CSMD1: variants seen among roughly 807,000 people sequenced by gnomAD.
The protein encoded by CSMD1 is CUB and sushi domain-containing protein 1.
CSMD1 carries 213 observed loss-of-function variants against 417.5 expected under a neutral mutation model. That is an observed-to-expected ratio of 0.51 (90% confidence interval 0.46 to 0.57). CSMD1 has a LOEUF of 0.57. Among genes scored for constraint, CSMD1 ranks in the 20% least tolerant of loss-of-function variants. CSMD1 has a pLI of 0.00. For missense variants in CSMD1, 6,923 were observed against 4,529.7 expected, an observed-to-expected ratio of 1.53 and a Z score of -15.17; for synonymous variants, 2,862 against 1,736.8, an observed-to-expected ratio of 1.65 and a Z score of -16.11.
At chr8:3,999,670 T>C (rs953657627) in intron 4 of CSMD1, among the ~76,000 whole-genome samples, 1 of 152,152 alleles carries the variant, frequency 6.6e-6, no homozygotes, top group Admixed American at 6.5e-5. Flanking sequence ...GCCAGGCTGG[T>C]CTACACACTA....
intron 11 of CSMD1, among the ~76,000 whole-genome samples, chr8:3,474,302 G>A (rs566870046): frequency 1.8e-4 from 28 of 151,980 alleles, no homozygotes; most frequent in Admixed American, 1.1e-3. Flanking sequence ...ACAAATGCAG[G>A]ACAATAAACA....
intron 5 of CSMD1, among the ~76,000 whole-genome samples, chr8:3,905,178 G>C (rs1178234689): frequency 6.6e-6 from 1 of 151,730 alleles, no homozygotes; most frequent in African/African-American, 2.4e-5. Context: ...GGCAAACATA[G>C]AAAAAATATG....
At chr8:4,276,059 G>T (rs1330095481) in intron 3 of CSMD1, among the ~76,000 whole-genome samples, 1 of 152,158 alleles carries the variant, frequency 6.6e-6, no homozygotes, top group Non-Finnish European at 1.5e-5. Flanking sequence ...GGAAGACAGT[G>T]TGACGATTCC....
At chr8:3,366,066 T>A (rs1438937599) in intron 20 of CSMD1, among the ~76,000 whole-genome samples, 1 of 152,182 alleles carries the variant, frequency 6.6e-6, no homozygotes, top group Non-Finnish European at 1.5e-5. Context: ...GTAGAATAAA[T>A]TACATGTGAC....
chr8:3,639,352 G>C (rs1389424788), intron 7 of CSMD1, among the ~76,000 whole-genome samples: 1 of 152,042 alleles, frequency 6.6e-6, no homozygotes, highest in South Asian at 2.1e-4. Context: ...GAGTTTAAGA[G>C]GAAAAAGAGA....
At chr8:3,804,233 A>C (rs1053548130) in intron 5 of CSMD1, among the ~76,000 whole-genome samples, 1 of 152,102 alleles carries the variant, frequency 6.6e-6, no homozygotes, top group African/African-American at 2.4e-5. Context: ...CACCAAGCCT[A>C]GAGACAAAAT....
At chr8:4,046,198 G>A (rs751927211) in intron 3 of CSMD1, among the ~76,000 whole-genome samples, 3 of 152,052 alleles carry the variant, frequency 2.0e-5, no homozygotes, top group African/African-American at 4.8e-5. Context: ...GCGTGTGTGT[G>A]TAGAAAATAA....
intron 11 of CSMD1, among the ~76,000 whole-genome samples, chr8:3,491,547 C>G (rs1302156628): frequency 6.6e-6 from 1 of 152,092 alleles, no homozygotes; most frequent in Non-Finnish European, 1.5e-5. Context: ...TTGGAATGGG[C>G]CAGCAGGAAG....
chr8:3,538,367 C>T (rs1293325700), intron 10 of CSMD1, among the ~76,000 whole-genome samples: 2 of 152,150 alleles, frequency 1.3e-5, no homozygotes, highest in East Asian at 3.9e-4. Context: ...GGATGATGCA[C>T]CTGGGATTCC....
chr8:3,311,894 T>C (rs998527478), intron 23 of CSMD1, among the ~76,000 whole-genome samples: 1 of 152,216 alleles, frequency 6.6e-6, no homozygotes, highest in Non-Finnish European at 1.5e-5. Flanking sequence ...AAGTAGTTTA[T>C]AGCTATTAAT....
intron 3 of CSMD1, among the ~76,000 whole-genome samples, chr8:4,242,432 A>G (rs1165529937): frequency 6.6e-6 from 1 of 152,236 alleles, no homozygotes; most frequent in Non-Finnish European, 1.5e-5. Flanking sequence ...ATGTATCATA[A>G]TACTTCAAGC....
intron 3 of CSMD1, among the ~76,000 whole-genome samples, chr8:4,070,118 T>C (rs1195114588): frequency 6.6e-6 from 1 of 152,178 alleles, no homozygotes. Context: ...TTCAGTCTTC[T>C]TGTAAATATT....
At chr8:3,957,225 T>C (rs2740849) in intron 5 of CSMD1, among the ~76,000 whole-genome samples, 66,972 of 151,856 alleles carry the variant, frequency 0.44, 15,532 homozygotes, top group East Asian at 0.73. Context: ...GACAGAAATA[T>C]AGGAGCAAAG....
At chr8:4,918,658 C>A (rs534353781) in intron 1 of CSMD1, among the ~76,000 whole-genome samples, 8 of 152,158 alleles carry the variant, frequency 5.3e-5, no homozygotes, top group African/African-American at 9.7e-5. Flanking sequence ...TTTCTTGACC[C>A]AATCTCACTA....
intron 3 of CSMD1, among the ~76,000 whole-genome samples, chr8:4,277,507 T>G (rs879735999): frequency 6.6e-6 from 1 of 152,190 alleles, no homozygotes; most frequent in Non-Finnish European, 1.5e-5. Context: ...TGTTTCCTGG[T>G]GCCATGTTTT....
At chr8:4,943,441 A>G (rs1808155871) in intron 1 of CSMD1, among the ~76,000 whole-genome samples, 1 of 151,926 alleles carries the variant, frequency 6.6e-6, no homozygotes, top group African/African-American at 2.4e-5. Context: ...GCTTGCAGTG[A>G]GCTGAGGTCG....
intron 3 of CSMD1, among the ~76,000 whole-genome samples, chr8:4,305,442 G>T (rs1401234446): frequency 2.6e-5 from 4 of 152,182 alleles, no homozygotes; most frequent in Admixed American, 2.0e-4. Flanking sequence ...TAAAAGTAAG[G>T]TAAGCCACTG....
In CSMD1 at chr8:3,648,233, T is replaced by C. The variant is rs543703992; in HGVS notation, c.1010-31436A>G. Reference sequence around the variant, plus strand: ...CCATATACTAGAGACATGATTTTACTTTTACTTTGCTATTCCCCAAATTAT... The same window carrying C: ...CCATATACTAGAGACATGATTTTACCTTTACTTTGCTATTCCCCAAATTAT... On this transcript the variant is annotated intron_variant, in intron 7 of 69. Coordinates refer to ENST00000635120, the MANE Select transcript of CSMD1 (RefSeq NM_033225.6). Among the ~76,000 whole-genome samples the C allele has an allele frequency of 1.6e-3, 237 of 152,354 alleles. 1 individual carries two copies. Among genetic ancestry groups the C allele is most frequent in the Non-Finnish European group, 2.7e-3 (186 of 68,030 alleles).
intron 3 of CSMD1, among the ~76,000 whole-genome samples, chr8:4,359,345 A>T (rs1010963419): frequency 6.6e-6 from 1 of 152,224 alleles, no homozygotes; most frequent in Non-Finnish European, 1.5e-5. Context: ...CAACATATCT[A>T]AACACTATAA....
Sources: gnomAD v4.1 joint callset for allele counts (sites outside exome capture counted in the v4.1 genomes callset) on GRCh38, gnomAD v4.1.1 for gene constraint, MANE v1.5 for transcripts, NCBI Gene and HGNC (gene_info 2026-07-23, HGNC 2026-07-21) for gene names.